The following GRIA4 variants were observed in gnomAD, a reference collection of about 807,000 sequenced individuals.
The protein encoded by GRIA4 is glutamate ionotropic receptor AMPA type subunit 4.
Under a neutral mutation model 104.0 loss-of-function variants are expected in GRIA4, and 34 were observed. The observed-to-expected ratio is 0.33, with a 90% CI of 0.25 to 0.44. The LOEUF (loss-of-function observed/expected upper bound fraction) is 0.44, where lower values mean the gene tolerates loss of function less well. Ranked by LOEUF, GRIA4 falls within the 20% of genes least tolerant of loss-of-function variation. The pLI, the probability that GRIA4 is intolerant of heterozygous loss-of-function variation, is 1.00. For synonymous variants in GRIA4, 386 were observed against 381.9 expected, an observed-to-expected ratio of 1.01 and a Z score of -0.13; for missense variants, 750 against 1,096.5, an observed-to-expected ratio of 0.68 and a Z score of 4.46.
intron 3 of GRIA4, among the ~76,000 whole-genome samples, chr11:105,735,785 G>A (rs985124535): frequency 2.6e-5 from 4 of 152,042 alleles, no homozygotes; most frequent in Non-Finnish European, 4.4e-5. Context: ...GCCATAATCC[G>A]GGAAAGTTGT....
At chr11:105,838,108 A>C (rs1183910467) in intron 4 of GRIA4, among the ~76,000 whole-genome samples, 1 of 152,178 alleles carries the variant, frequency 6.6e-6, no homozygotes, top group African/African-American at 2.4e-5. Context: ...AGATAAAGGT[A>C]AAAAAAGAAT....
intron 5 of GRIA4, among the ~76,000 whole-genome samples, chr11:105,871,325 A>G (rs1945605325): frequency 6.6e-6 from 1 of 152,018 alleles, no homozygotes; most frequent in African/African-American, 2.4e-5. Flanking sequence ...CAATATGAAT[A>G]ATAGCCTTTA....
chr11:105,897,776 G>A (rs1019946883), intron 6 of GRIA4, among the ~76,000 whole-genome samples: 1 of 152,116 alleles, frequency 6.6e-6, no homozygotes, highest in Non-Finnish European at 1.5e-5. Context: ...ATCACAGTGA[G>A]TTATCTTTTT....
chr11:105,697,084 A>G (rs1362070926), intron 3 of GRIA4, among the ~76,000 whole-genome samples: 2 of 152,084 alleles, frequency 1.3e-5, no homozygotes, highest in East Asian at 3.9e-4. Flanking sequence ...GATATATTTT[A>G]TATTCTGAAA....
intron 14 of GRIA4, among the ~76,000 whole-genome samples, chr11:105,959,647 A>G (rs991426373): frequency 7.2e-5 from 11 of 152,140 alleles, no homozygotes; most frequent in African/African-American, 2.7e-4. Flanking sequence ...CCCTTTATGG[A>G]GAGACGTTGT....
chr11:105,979,854 G>C lies in GRIA4; in HGVS notation c.*115G>C. ...CTAAACCAATCCTTTGGCTGAGAGC[G>C]GGAAGTCCGTCCTAACGCGCTGGCC... is the stretch of plus-strand genomic sequence containing the variant. On this transcript the variant is annotated 3_prime_UTR_variant, in exon 17 of 17. Transcript: ENST00000282499. 1 of 727,460 alleles carries C rather than the reference G, an allele frequency of 1.4e-6. No individual in the cohort carries two copies. The highest frequency in any genetic ancestry group is 2.3e-6 in the Non-Finnish European group (1 of 441,538). 45.1% of individuals were successfully genotyped at this position (727,460 alleles called of 1,614,324 possible).
At chr11:105,723,406 GT>G (rs750647957) in intron 3 of GRIA4, among the ~76,000 whole-genome samples, 5 of 151,828 alleles carry the variant, frequency 3.3e-5, no homozygotes, top group South Asian at 2.1e-4. Flanking sequence ...AAATTTTATG[GT>G]TTTTTTCCAG....
chr11:105,835,718 A>T (rs1944155104), intron 4 of GRIA4, among the ~76,000 whole-genome samples: 1 of 152,110 alleles, frequency 6.6e-6, no homozygotes, highest in South Asian at 2.1e-4. Flanking sequence ...AACATGAAAA[A>T]GAGTGAAAGT....
chr11:105,880,267 T>C lies in GRIA4; in HGVS notation c.673-7252T>C, dbSNP rs184537120. On this transcript the variant is annotated intron_variant, in intron 5 of 16. Transcript: ENST00000282499. ...GAGCTGTGCTAAGAATTGTTCATAG[T>C]TGAGATGATGAGAATCTTATTATCC... Among the ~76,000 whole-genome samples, 9 of 152,344 alleles carry C rather than the reference T, an allele frequency of 5.9e-5. No homozygotes were observed. In the East Asian group the frequency reaches 1.3e-3, roughly 23 times the overall value.
intron 3 of GRIA4, among the ~76,000 whole-genome samples, chr11:105,704,193 A>C (rs1276638278): frequency 6.6e-6 from 1 of 152,126 alleles, no homozygotes; most frequent in Non-Finnish European, 1.5e-5. Context: ...TTAAAACATC[A>C]TTATTACTTA....
chr11:105,610,856 CTTTT>C, intron 1 of GRIA4, 48 bp from the exon 2 acceptor site: 1 of 539,678 alleles, frequency 1.9e-6, no homozygotes, highest in Non-Finnish European at 3.1e-6. Context: ...TTTTTTCTTT[CTTTT>C]CTTTCTTTTC....
At chr11:105,655,631 G>C (rs1951821239) in intron 3 of GRIA4, among the ~76,000 whole-genome samples, 1 of 152,044 alleles carries the variant, frequency 6.6e-6, no homozygotes, top group South Asian at 2.1e-4. Context: ...ATGGTTTCCA[G>C]CTTCATCCAT....
intron 3 of GRIA4, among the ~76,000 whole-genome samples, chr11:105,752,771 C>T (rs1160637064): frequency 6.6e-6 from 1 of 152,172 alleles, no homozygotes; most frequent in Non-Finnish European, 1.5e-5. Flanking sequence ...AGACCAGCTT[C>T]ACTCAATGTA....
intron 14 of GRIA4, among the ~76,000 whole-genome samples, chr11:105,959,646 G>A (rs1013527207): frequency 6.6e-6 from 1 of 152,154 alleles, no homozygotes; most frequent in African/African-American, 2.4e-5. Flanking sequence ...ACCCTTTATG[G>A]AGAGACGTTG....
At position 105,944,567 on chromosome 11, in the gene GRIA4, CA is replaced by C. The variant is rs372662858; in HGVS notation, c.2294+10599del. On this transcript the variant is annotated intron_variant, in intron 14 of 16. Coordinates refer to ENST00000282499, the MANE Select transcript of GRIA4 (RefSeq NM_000829.4). ...TAATTCAAATAAGAAAACACCATATCAGAGACTACATAAATGGAAAAAAAAA... is the reference window on the plus strand; with the variant it reads ...TAATTCAAATAAGAAAACACCATATCGAGACTACATAAATGGAAAAAAAAA... Among the ~76,000 whole-genome samples, 51 of 143,774 alleles carry C rather than the reference CA, an allele frequency of 3.5e-4. No homozygotes were observed. The East Asian group carries it at 0.01, about 29-fold the overall frequency. The allele number at this position is 143,774 out of a possible 152,430, so 94.3% of individuals were successfully genotyped here.
At chr11:105,756,906 G>T (rs796954445) in intron 4 of GRIA4, among the ~76,000 whole-genome samples, 1 of 152,152 alleles carries the variant, frequency 6.6e-6, no homozygotes, top group African/African-American at 2.4e-5. Flanking sequence ...ATCCATCCCA[G>T]CAGGAGAAGG....
intron 3 of GRIA4, among the ~76,000 whole-genome samples, chr11:105,742,673 T>C (rs1039869269): frequency 1.3e-4 from 20 of 152,074 alleles, no homozygotes; most frequent in Non-Finnish European, 2.9e-5. Flanking sequence ...CCTTTGCAGA[T>C]ACATTTAGCA....
Position 105,900,242 on chromosome 11 carries a change from T to C in GRIA4, c.885+1815T>C, listed in dbSNP as rs983267544. On this transcript the variant is annotated intron_variant, in intron 7 of 16. Coordinates refer to ENST00000282499, the MANE Select transcript of GRIA4 (RefSeq NM_000829.4). The stretch of plus-strand genomic sequence containing the variant: ...ATCCACAAATAATGTGGATTGATTA[T>C]AATTAAAGTGTACTCTAAGTGTTTA... Among the ~76,000 whole-genome samples, 20 of 152,194 alleles carry C rather than the reference T, an allele frequency of 1.3e-4. 1 individual carries two copies. The highest frequency in any genetic ancestry group is 3.4e-4 in the African/African-American group (14 of 41,444).
intron 4 of GRIA4, among the ~76,000 whole-genome samples, chr11:105,839,268 T>C (rs1013989102): frequency 2.6e-5 from 4 of 152,206 alleles, no homozygotes; most frequent in African/African-American, 9.6e-5. Flanking sequence ...TTTGTGGCTA[T>C]TGAGTAGGAT....
Sources: allele counts gnomAD v4.1 joint callset (sites outside exome capture counted in the v4.1 genomes callset), GRCh38; gene constraint gnomAD v4.1.1; transcripts MANE v1.5; gene names NCBI Gene and HGNC (gene_info 2026-07-23, HGNC 2026-07-21).